ATP2C2: variants seen among roughly 807,000 people sequenced by gnomAD.
The protein encoded by ATP2C2 is ATPase secretory pathway Ca2+ transporting 2.
Under a neutral mutation model 110.8 loss-of-function variants are expected in ATP2C2, and 171 were observed. That is an observed-to-expected ratio of 1.54 (90% CI 1.36 to 1.75). The LOEUF (loss-of-function observed/expected upper bound fraction) is 1.75. Ranked by LOEUF, ATP2C2 falls within the 40% of genes most tolerant of loss-of-function variation. The pLI is 0.00. For missense variants in ATP2C2, 1,963 were observed against 1,235.0 expected (o/e 1.59, Z -8.84); for synonymous variants, 804 against 508.4 (o/e 1.58, Z -7.82).
chr16:84,400,322 G>GTTTTTTTTTTTTT (rs1249570974), intron 2 of ATP2C2, among the ~76,000 whole-genome samples: 1 of 133,428 alleles, frequency 7.5e-6, no homozygotes, highest in African/African-American at 3.5e-5. Flanking sequence ...TGTATTTTTA[G>GTTTTTTTTTTTTT]TTTTTTGTTG....
At chr16:84,438,501 C>T (rs1338888934) in intron 11 of ATP2C2, among the ~76,000 whole-genome samples, 1 of 152,216 alleles carries the variant, frequency 6.6e-6, no homozygotes, top group East Asian at 1.9e-4. Flanking sequence ...GTCTCATTTC[C>T]AAGAGAGCAT....
At position 84,453,350 on chromosome 16, in the gene ATP2C2, G is replaced by T. The variant is rs371535221; in HGVS notation, c.1959G>T (p.Lys653Asn). ...KVSVFFRTSPKHKLKIIKALQ... is the reference protein window; with the variant it reads ...KVSVFFRTSPNHKLKIIKALQ... ...CCGTGTTCTTCAGGACCAGCCCAAA[G>T]CACAAGCTCAAAATCATCAAGGTTC... Residue 653 changes from lysine to asparagine, a missense_variant, in exon 20 of 27, where the codon AAG becomes AAT. Coordinates refer to ENST00000262429, the MANE Select transcript of ATP2C2 (RefSeq NM_014861.4). 9.3e-6 allele frequency: 15 copies of T among 1,614,068 alleles called. No homozygotes were observed. The highest frequency in any genetic ancestry group is 1.2e-5 in the Non-Finnish European group (14 of 1,180,032).
At chr16:84,463,240 G>T (rs76508934) in intron 26 of ATP2C2, among the ~76,000 whole-genome samples, 1 of 147,018 alleles carries the variant, frequency 6.8e-6, no homozygotes, top group Non-Finnish European at 1.5e-5. Flanking sequence ...GGAACATGTC[G>T]GGGTGCACTG....
rs1429438922 is a variant in ATP2C2 at position 84,385,360 on chromosome 16, C to T, written c.100-13139C>T. Among the ~76,000 whole-genome samples, 3 of 152,176 alleles carry T rather than the reference C, an allele frequency of 2.0e-5. No individual in the cohort carries two copies. The East Asian group carries it at 5.8e-4, about 29-fold the overall frequency. Reference sequence around the variant, plus strand: ...CAACTATTCATGAGATATCCTTCCCCATGATGCAGTCACCTCCCACCAGGC... The same window carrying T: ...CAACTATTCATGAGATATCCTTCCCTATGATGCAGTCACCTCCCACCAGGC... On this transcript the variant is annotated intron_variant, in intron 1 of 26. Transcript: ENST00000262429.
At chr16:84,418,934 C>G (rs187364651) in intron 7 of ATP2C2, among the ~76,000 whole-genome samples, 1 of 152,058 alleles carries the variant, frequency 6.6e-6, no homozygotes, top group African/African-American at 2.4e-5. Context: ...AGGGTCCAGG[C>G]GCGGTGGCTC....
At chr16:84,389,136 T>C (rs1335813815) in intron 1 of ATP2C2, among the ~76,000 whole-genome samples, 1 of 152,204 alleles carries the variant, frequency 6.6e-6, no homozygotes, top group African/African-American at 2.4e-5. Context: ...TCTCTTTCTC[T>C]GAAACCCCCA....
chr16:84,454,911 G>A lies in ATP2C2; in HGVS notation c.2074G>A (p.Gly692Arg). Reference protein sequence around the residue: ...LKSADIGIAMGQTGTDVSKEA... With the variant: ...LKSADIGIAMRQTGTDVSKEA... ...GTCTGCAGACATTGGGATCGCCATG[G>A]GGCAGACAGGGACGGACGTCAGCAA... Residue 692 changes from glycine (G) to arginine (R), a missense_variant, in exon 21 of 27, where the codon GGG becomes AGG. Gly to Arg is a moderately radical substitution (Grantham distance 125). Transcript: ENST00000262429. The A allele has an allele frequency of 1.2e-6, 2 of 1,614,024 alleles. No homozygotes were observed. The highest frequency in any genetic ancestry group is 1.3e-5 in the African/African-American group (1 of 75,040).
intron 21 of ATP2C2, among the ~76,000 whole-genome samples, chr16:84,456,334 A>G (rs1410043580): frequency 9.9e-5 from 15 of 151,956 alleles, no homozygotes; most frequent in African/African-American, 3.1e-4. Flanking sequence ...CAGAGATTCA[A>G]CTTCTTCCTG....
In ATP2C2 at chr16:84,439,305, C is replaced by T. The variant is rs369305687; in HGVS notation, c.1111+15C>T. The stretch of plus-strand genomic sequence containing the variant: ...GGAGACTTTAGGTGAGGGACTCCAG[C>T]TGGTGGAATCCTTACACGTGGAATT... On this transcript the variant is annotated intron_variant, in intron 12 of 26. Transcript: ENST00000262429. 4 of 1,613,370 alleles carry T rather than the reference C, an allele frequency of 2.5e-6. No individual in the cohort carries two copies. The highest frequency in any genetic ancestry group is 2.5e-6 in the Non-Finnish European group (3 of 1,180,018).
chr16:84,451,418 C>T (rs528624219), intron 17 of ATP2C2, among the ~76,000 whole-genome samples: 1 of 152,348 alleles, frequency 6.6e-6, no homozygotes, highest in South Asian at 2.1e-4. Flanking sequence ...TGGCTTCCTT[C>T]TCCATCTGTT....
chr16:84,459,607 T>C lies in ATP2C2; in HGVS notation c.2333+221T>C, dbSNP rs1304457214. 2.0e-6 allele frequency: 3 copies of C among 1,532,322 alleles called. No homozygotes were observed. In the South Asian group the frequency reaches 3.6e-5, roughly 18 times the overall value. The allele number at this position is 1,532,322 out of a possible 1,614,324, so 94.9% of individuals were successfully genotyped here. A position where few individuals can be genotyped will look rare whatever the true frequency, so the allele number is the denominator to read the frequency against. ...GGCAGAGCTGGGTGAGGATGGAACT[T>C]TCTGCTCCCTCTGCCTGGATGCTCT... On this transcript the variant is annotated intron_variant, in intron 23 of 26. Transcript: ENST00000262429.
chr16:84,415,225 G>A (rs890352883), intron 6 of ATP2C2, among the ~76,000 whole-genome samples: 2 of 152,146 alleles, frequency 1.3e-5, no homozygotes, highest in South Asian at 4.2e-4. Flanking sequence ...TGGGGCATGT[G>A]GCCCACGTGG....
At chr16:84,398,854 G>A (rs1905147148) in intron 2 of ATP2C2, among the ~76,000 whole-genome samples, 1 of 152,158 alleles carries the variant, frequency 6.6e-6, no homozygotes, top group Non-Finnish European at 1.5e-5. Context: ...CTCTGTGTAC[G>A]CTGCTTCTCT....
chr16:84,412,672 T>TC (rs1228774831), intron 6 of ATP2C2, among the ~76,000 whole-genome samples: 2 of 152,256 alleles, frequency 1.3e-5, no homozygotes, highest in East Asian at 3.9e-4. Flanking sequence ...AAGCTCGTTC[T>TC]CCTAGTAGAA....
intron 15 of ATP2C2, among the ~76,000 whole-genome samples, chr16:84,443,122 C>T (rs1020267950): frequency 6.6e-6 from 1 of 152,074 alleles, no homozygotes; most frequent in African/African-American, 2.4e-5. Flanking sequence ...CTGCTGCATT[C>T]TGTGCTCAGA....
intron 11 of ATP2C2, among the ~76,000 whole-genome samples, chr16:84,435,547 C>A (rs1908660321): frequency 6.6e-6 from 1 of 152,196 alleles, no homozygotes; most frequent in African/African-American, 2.4e-5. Context: ...GCCACCTGGC[C>A]AAGCTTGGAG....
At chr16:84,452,993 C>T (rs1176422388) in intron 18 of ATP2C2, 145 bp from the exon 19 acceptor site, 8 of 759,038 alleles carry the variant, frequency 1.1e-5, no homozygotes, top group South Asian at 1.8e-5. Flanking sequence ...TGGATAGAAC[C>T]GAGGCCGTGC....
intron 26 of ATP2C2, 64 bp from the exon 27 acceptor site, chr16:84,463,550 G>A (rs918309196): frequency 1.7e-5 from 23 of 1,381,886 alleles, no homozygotes; most frequent in East Asian, 4.6e-5. Flanking sequence ...CAGGGAAGGC[G>A]CTTCCTGCCG....
intron 6 of ATP2C2, among the ~76,000 whole-genome samples, chr16:84,412,538 G>C (rs1370629514): frequency 7.7e-6 from 1 of 130,462 alleles, no homozygotes; most frequent in East Asian, 2.4e-4. Flanking sequence ...ATGTGTCTGT[G>C]TGTGTATGCG....
Sources: gnomAD v4.1 joint callset for allele counts (sites outside exome capture counted in the v4.1 genomes callset) on GRCh38, gnomAD v4.1.1 for gene constraint, MANE v1.5 for transcripts, NCBI Gene and HGNC (gene_info 2026-07-23, HGNC 2026-07-21) for gene names.